The following ANO2 variants were observed in gnomAD, a reference collection of about 807,000 sequenced individuals.
The protein encoded by ANO2 is anoctamin 2, also known as anoctamin-2.
In ANO2, 101 loss-of-function variants were observed where a neutral mutation model predicts 124.2. The observed-to-expected ratio is 0.81, with a 90% CI of 0.69 to 0.96. The LOEUF (loss-of-function observed/expected upper bound fraction) is 0.96, where lower values mean the gene tolerates loss of function less well. Ranked by LOEUF, ANO2 falls within the 40% of genes least tolerant of loss-of-function variation. The probability of loss-of-function intolerance (pLI) is 0.00; values close to 1 mark genes in which losing one functional copy is unlikely to be tolerated. For missense variants in ANO2, 1,293 were observed against 1,274.5 expected (o/e 1.01, Z -0.22); for synonymous variants, 486 against 482.5 (o/e 1.01, Z -0.09).
chr12:5,830,356 G>T, intron 6 of ANO2, 79 bp downstream of exon 6: 1 of 1,417,970 alleles, frequency 7.1e-7, no homozygotes, highest in Non-Finnish European at 9.8e-7. Context: ...TGGCAGGGAG[G>T]GTAAGAGAAT....
At position 5,900,519 on chromosome 12, in the gene ANO2, CTCTT is replaced by C. The variant is rs1426855827; in HGVS notation, c.534+20517_534+20520del. ...AAAGACTCTCAAAGGTCCCTTCCAA[CTCTT>C]TCTGAGTCATCGAGGGCTTACCATA... On this transcript the variant is annotated intron_variant, in intron 3 of 24. Coordinates refer to ENST00000682330, the MANE Select transcript of ANO2 (RefSeq NM_001364791.2). The surrounding 1 kb of genome is among the most constrained non-coding windows in gnomAD (Gnocchi z 4.2). 2.6e-5 allele frequency among the ~76,000 whole-genome samples: 4 copies of C among 152,154 alleles called. No homozygotes were observed. The highest frequency in any genetic ancestry group is 2.0e-4 in the Admixed American group (3 of 15,280).
rs1047667143 is a variant in ANO2 at position 5,925,320 on chromosome 12, G to A, written c.23-2516C>T. 1.3e-5 allele frequency among the ~76,000 whole-genome samples: 2 copies of A among 152,198 alleles called. No individual in the cohort carries two copies. The highest frequency in any genetic ancestry group is 4.8e-5 in the African/African-American group (2 of 41,438). On this transcript the variant is annotated intron_variant, in intron 1 of 24. Coordinates refer to ENST00000682330, the MANE Select transcript of ANO2 (RefSeq NM_001364791.2). This position sits in a 1 kb window ranked among gnomAD's most constrained non-coding sequence, Gnocchi z 4.6. ...AAGGTGCCACCTGGAGTTTGAGGCT[G>A]ACATTCAGGGCCCTCACTAGCCATC...
intron 3 of ANO2, among the ~76,000 whole-genome samples, chr12:5,888,425 G>T (rs958006463): frequency 7.9e-5 from 12 of 152,196 alleles, no homozygotes; most frequent in Non-Finnish European, 1.8e-4. Flanking sequence ...GCTGGCTCCA[G>T]CAGCCTGCTT....
chr12:5,610,091 T>C (rs1944420505), intron 19 of ANO2, among the ~76,000 whole-genome samples: 1 of 133,726 alleles, frequency 7.5e-6, no homozygotes, highest in Non-Finnish European at 1.5e-5. Flanking sequence ...TAAATATATA[T>C]ATTTATATTA....
chr12:5,693,613 T>G (rs1949036509), intron 14 of ANO2, among the ~76,000 whole-genome samples: 1 of 152,148 alleles, frequency 6.6e-6, no homozygotes, highest in African/African-American at 2.4e-5. Flanking sequence ...CCCATCTCAT[T>G]CGGAGTCAAT....
At chr12:5,633,101 C>T (rs1945813056) in intron 16 of ANO2, among the ~76,000 whole-genome samples, 1 of 152,194 alleles carries the variant, frequency 6.6e-6, no homozygotes, top group African/African-American at 2.4e-5. Context: ...GTTGTAATGG[C>T]TCAGCTTGTC....
At chr12:5,747,580 A>G (rs1268142667) in intron 11 of ANO2, among the ~76,000 whole-genome samples, 4 of 152,194 alleles carry the variant, frequency 2.6e-5, no homozygotes, top group Admixed American at 6.5e-5. Context: ...CAAAACCTCA[A>G]TTTTGTAGTA....
intron 14 of ANO2, among the ~76,000 whole-genome samples, chr12:5,683,365 A>G (rs1948581358): frequency 6.6e-6 from 1 of 152,200 alleles, no homozygotes; most frequent in Non-Finnish European, 1.5e-5. Context: ...GAGATTCAAA[A>G]ATATCAAGGA....
chr12:5,873,155 G>A (rs1180375808), intron 3 of ANO2, among the ~76,000 whole-genome samples: 2 of 149,368 alleles, frequency 1.3e-5, no homozygotes, highest in Non-Finnish European at 3.0e-5. Flanking sequence ...CAGTTTATAA[G>A]CCCTACCAGA....
At chr12:5,598,601 C>T (rs1943779973) in intron 20 of ANO2, among the ~76,000 whole-genome samples, 1 of 152,216 alleles carries the variant, frequency 6.6e-6, no homozygotes, top group Admixed American at 6.5e-5. Context: ...GGTGATCCAC[C>T]TGCCTCTGCT....
intron 4 of ANO2, 69 bp downstream of exon 4, chr12:5,853,974 C>T (rs1364715603): frequency 7.6e-7 from 1 of 1,310,048 alleles, no homozygotes; most frequent in Non-Finnish European, 1.1e-6. Flanking sequence ...CCACCTGGCC[C>T]TATTCCCAAA....
Position 5,922,653 on chromosome 12 carries a change from C to T in ANO2, c.174G>A (p.Gln58=), listed in dbSNP as rs1457227570. The change falls in exon 2 of 25, where the codon CAG becomes CAA. Residue 58 remains glutamine (Q), a synonymous_variant. Coordinates refer to ENST00000682330, the MANE Select transcript of ANO2 (RefSeq NM_001364791.2). ...TGCGGGTGCTCTCTCCACCGCAGGG[C>T]TGGCCAGGATCTCTGTTGGAACCGC... ...LQGGSNRDPG[Q]PCGGESTRSS... is the part of the protein sequence containing the mutation. 1 of 1,531,940 alleles carries T rather than the reference C, an allele frequency of 6.5e-7. No individual in the cohort carries two copies. The highest frequency in any genetic ancestry group is 2.0e-4 in the Middle Eastern group (1 of 4,980). 94.9% of individuals were successfully genotyped at this position (1,531,940 alleles called of 1,614,324 possible). A position where few individuals can be genotyped will look rare whatever the true frequency, so the allele number is the denominator to read the frequency against.
intron 10 of ANO2, among the ~76,000 whole-genome samples, chr12:5,764,208 C>G (rs1160244239): frequency 6.6e-6 from 1 of 152,158 alleles, no homozygotes; most frequent in African/African-American, 2.4e-5. Context: ...ACTGAAGATC[C>G]CTGGTCAAAT....
At chr12:5,828,137 C>A (rs1954041125) in intron 6 of ANO2, among the ~76,000 whole-genome samples, 1 of 152,166 alleles carries the variant, frequency 6.6e-6, no homozygotes, top group South Asian at 2.1e-4. Context: ...CCACCCCAGA[C>A]CACATAGCCT....
At chr12:5,707,154 G>A (rs2137034874) in intron 14 of ANO2, among the ~76,000 whole-genome samples, 1 of 152,286 alleles carries the variant, frequency 6.6e-6, no homozygotes, top group South Asian at 2.1e-4. Flanking sequence ...TCATGACAGT[G>A]AGGAGTTCTC....
chr12:5,675,089 C>T (rs1948176217), intron 14 of ANO2, among the ~76,000 whole-genome samples: 1 of 152,136 alleles, frequency 6.6e-6, no homozygotes, highest in African/African-American at 2.4e-5. Flanking sequence ...TCCATCAATA[C>T]AAGCTGAATG....
intron 3 of ANO2, among the ~76,000 whole-genome samples, chr12:5,873,191 A>C: frequency 8.8e-6 from 1 of 113,522 alleles, no homozygotes; most frequent in African/African-American, 3.2e-5. Context: ...CTTTTGCCTA[A>C]AGCAGCTCTC....
chr12:5,744,397 C>G, intron 11 of ANO2, 80 bp from the exon 12 acceptor site: 1 of 1,504,716 alleles, frequency 6.6e-7, no homozygotes, highest in Non-Finnish European at 9.1e-7. Context: ...CCAAATAGCT[C>G]CCATTTCCAA....
intron 2 of ANO2, 31 bp downstream of exon 2, chr12:5,922,589 T>TA: frequency 4.4e-4 from 635 of 1,449,130 alleles, no homozygotes; most frequent in East Asian, 7.1e-4. Context: ...GGCTGGCCTA[T>TA]CCCCCCACCC....
Sources: gnomAD v4.1 joint callset for allele counts (sites outside exome capture counted in the v4.1 genomes callset) on GRCh38, gnomAD v4.1.1 for gene constraint, Gnocchi (gnomAD v3.1) non-coding constraint, MANE v1.5 for transcripts, NCBI Gene and HGNC (gene_info 2026-07-23, HGNC 2026-07-21) for gene names.